RCAN1: variants seen among roughly 807,000 people sequenced by gnomAD.
RCAN1 encodes the protein calcipressin-1.
RCAN1 carries 11 observed loss-of-function variants against 22.9 expected under a neutral mutation model. The ratio of observed to expected loss-of-function variants is 0.48; its 90% CI spans 0.30 to 0.79. The LOEUF (loss-of-function observed/expected upper bound fraction) is 0.79, where lower values mean the gene tolerates loss of function less well. RCAN1 is among the 30% of genes least tolerant of loss of function. The pLI, the probability that RCAN1 is intolerant of heterozygous loss-of-function variation, is 0.06. For synonymous variants in RCAN1, 136 were observed against 142.3 expected, an observed-to-expected ratio of 0.96 and a Z score of 0.32; for missense variants, 291 against 337.8, an observed-to-expected ratio of 0.86 and a Z score of 1.09.
chr21:34,561,395 C>G (rs942622045), intron 1 of RCAN1, among the ~76,000 whole-genome samples: 1 of 152,072 alleles, frequency 6.6e-6, no homozygotes, highest in African/African-American at 2.4e-5. Context: ...ATTTTTAGTA[C>G]AAGGGAAAAT....
intron 1 of RCAN1, among the ~76,000 whole-genome samples, chr21:34,536,818 C>T (rs934446929): frequency 1.3e-5 from 2 of 152,190 alleles, no homozygotes; most frequent in Non-Finnish European, 2.9e-5. Context: ...CGCTAAAGAT[C>T]GTTTGTATCC....
chr21:34,568,457 A>AGTGT (rs1987113284), intron 1 of RCAN1, among the ~76,000 whole-genome samples: 1 of 152,188 alleles, frequency 6.6e-6, no homozygotes, highest in South Asian at 2.1e-4. Flanking sequence ...TGAGCTTGTA[A>AGTGT]CTTTGAGTCT....
intron 1 of RCAN1, among the ~76,000 whole-genome samples, chr21:34,553,603 C>G (rs1308942103): frequency 1.3e-5 from 2 of 152,016 alleles, no homozygotes. Flanking sequence ...TATATAAAAC[C>G]CAGACACCTA....
At chr21:34,542,642 G>T (rs1218400381) in intron 1 of RCAN1, among the ~76,000 whole-genome samples, 2 of 152,204 alleles carry the variant, frequency 1.3e-5, no homozygotes, top group Admixed American at 6.5e-5. Context: ...GATGACTATT[G>T]TTATTTACAG....
intron 1 of RCAN1, among the ~76,000 whole-genome samples, chr21:34,590,869 T>C (rs186937053): frequency 1.2e-4 from 19 of 152,346 alleles, no homozygotes; most frequent in African/African-American, 3.6e-4. Context: ...GAATTATAGC[T>C]GTATATTGGA....
intron 1 of RCAN1, among the ~76,000 whole-genome samples, chr21:34,588,599 T>G (rs1029878716): frequency 6.6e-6 from 1 of 152,314 alleles, no homozygotes; most frequent in East Asian, 1.9e-4. Context: ...TAAAATGGTG[T>G]AGCCACTGTG....
chr21:34,531,472 G>A (rs1985385794), intron 1 of RCAN1, among the ~76,000 whole-genome samples: 1 of 152,202 alleles, frequency 6.6e-6, no homozygotes, highest in South Asian at 2.1e-4. Flanking sequence ...ACCGTGCATA[G>A]TGCTGCAGGT....
intron 1 of RCAN1, among the ~76,000 whole-genome samples, chr21:34,610,777 A>AAGGTC (rs1204873218): frequency 2.6e-5 from 4 of 152,152 alleles, no homozygotes; most frequent in Non-Finnish European, 4.4e-5. Flanking sequence ...GCACTGCTCA[A>AAGGTC]AGGTCTCTAC....
intron 1 of RCAN1, among the ~76,000 whole-genome samples, chr21:34,549,312 T>C (rs1272772608): frequency 2.0e-5 from 3 of 152,334 alleles, no homozygotes; most frequent in Admixed American, 6.5e-5. Context: ...AAATCTGCCA[T>C]GCAGGCAGTT....
intron 1 of RCAN1, chr21:34,524,056 C>T: frequency 5.9e-6 from 1 of 170,498 alleles, no homozygotes; most frequent in Non-Finnish European, 1.3e-5. Flanking sequence ...GGATTACAGG[C>T]ATGAGCCACC....
chr21:34,569,348 G>T (rs374266880), intron 1 of RCAN1, among the ~76,000 whole-genome samples: 1 of 152,200 alleles, frequency 6.6e-6, no homozygotes, highest in Non-Finnish European at 1.5e-5. Context: ...TGGAAGAATT[G>T]CTATATAGGA....
intron 1 of RCAN1, among the ~76,000 whole-genome samples, chr21:34,534,473 A>G (rs746722410): frequency 2.6e-5 from 4 of 152,140 alleles, no homozygotes; most frequent in Admixed American, 6.5e-5. Context: ...GGCAATCTTC[A>G]TACTACAACA....
At chr21:34,567,963 C>T (rs1384478945) in intron 1 of RCAN1, among the ~76,000 whole-genome samples, 1 of 151,502 alleles carries the variant, frequency 6.6e-6, no homozygotes, top group African/African-American at 2.4e-5. Context: ...AAAGTAAGGA[C>T]CAAATTCCAT....
At chr21:34,604,993 C>T (rs570377489) in intron 1 of RCAN1, among the ~76,000 whole-genome samples, 3 of 152,328 alleles carry the variant, frequency 2.0e-5, no homozygotes, top group Admixed American at 6.5e-5. Flanking sequence ...GGCACGCCAT[C>T]GGCATGCATA....
chr21:34,552,376 G>C lies in RCAN1; in HGVS notation c.253-28666C>G, dbSNP rs371707790. 9.2e-5 allele frequency among the ~76,000 whole-genome samples: 14 copies of C among 152,260 alleles called. 1 individual carries two copies. Among genetic ancestry groups the C allele is most frequent in the African/African-American group, 3.4e-4 (14 of 41,544 alleles). On this transcript the variant is annotated intron_variant, in intron 1 of 3. Transcript: ENST00000313806. ...GGAGGCATTGGTCTAAGGTAGAGGG[G>C]GAGGAAGAACATGCCAATTTTTACC...
intron 1 of RCAN1, among the ~76,000 whole-genome samples, chr21:34,589,621 C>T (rs1187610070): frequency 6.6e-6 from 1 of 152,158 alleles, no homozygotes; most frequent in Non-Finnish European, 1.5e-5. Flanking sequence ...AATTGGTGGA[C>T]TCTACAAGGT....
chr21:34,604,594 CTGTG>C (rs1307310153), intron 1 of RCAN1, among the ~76,000 whole-genome samples: 1 of 152,228 alleles, frequency 6.6e-6, no homozygotes, highest in African/African-American at 2.4e-5. Flanking sequence ...GCCAGAGAAG[CTGTG>C]TGGAAGAGAA....
intron 1 of RCAN1, among the ~76,000 whole-genome samples, chr21:34,557,912 A>G (rs1986640167): frequency 6.6e-6 from 1 of 152,196 alleles, no homozygotes; most frequent in Non-Finnish European, 1.5e-5. Flanking sequence ...TCACTTTTTT[A>G]TAGGTGAGGA....
chr21:34,567,436 T>C (rs765301401), intron 1 of RCAN1, among the ~76,000 whole-genome samples: 19 of 151,394 alleles, frequency 1.3e-4, no homozygotes, highest in Non-Finnish European at 2.2e-4. Flanking sequence ...GAAGTGGAAA[T>C]ATTTCTGGCC....
Sources: allele counts gnomAD v4.1 joint callset (sites outside exome capture counted in the v4.1 genomes callset), GRCh38; gene constraint gnomAD v4.1.1; transcripts MANE v1.5; gene names NCBI Gene and HGNC (gene_info 2026-07-23, HGNC 2026-07-21).